The following HNRNPR variants were observed in gnomAD, a reference collection of about 807,000 sequenced individuals.
HNRNPR encodes the protein heterogeneous nuclear ribonucleoprotein R.
HNRNPR carries 4 observed loss-of-function variants against 70.3 expected under a neutral mutation model. The observed-to-expected ratio is 0.06, with a 90% CI of 0.03 to 0.13. The LOEUF (loss-of-function observed/expected upper bound fraction) is 0.13. Ranked by LOEUF, HNRNPR falls within the 10% of genes least tolerant of loss-of-function variation. HNRNPR has a pLI of 1.00. For synonymous variants in HNRNPR, 241 were observed against 267.6 expected (o/e 0.90, Z 0.97); for missense variants, 423 against 788.5 (o/e 0.54, Z 5.55).
intron 5 of HNRNPR, among the ~76,000 whole-genome samples, chr1:23,328,754 C>A (rs1646098318): frequency 6.6e-6 from 1 of 152,206 alleles, no homozygotes; most frequent in Admixed American, 6.5e-5. Flanking sequence ...CCAGCCTCAG[C>A]CTTCCAAAGT....
intron 8 of HNRNPR, among the ~76,000 whole-genome samples, chr1:23,317,705 C>CG (rs1430912145): frequency 1.3e-5 from 2 of 152,100 alleles, no homozygotes; most frequent in East Asian, 1.9e-4. Flanking sequence ...AAACAAGAGG[C>CG]GGGGCACGGT....
At chr1:23,331,834 T>TAAAAAAAAA (rs59006948) in intron 5 of HNRNPR, among the ~76,000 whole-genome samples, 1,647 of 59,164 alleles carry the variant, frequency 0.028, 179 homozygotes, top group Non-Finnish European at 0.035. Flanking sequence ...ACTGTTTCTT[T>TAAAAAAAAA]AAAAAAAAAA....
intron 5 of HNRNPR, among the ~76,000 whole-genome samples, chr1:23,324,935 C>T (rs960892691): frequency 2.0e-5 from 3 of 151,312 alleles, no homozygotes; most frequent in Non-Finnish European, 4.4e-5. Flanking sequence ...AGTCAGGAGA[C>T]CGAGACCATC....
At chr1:23,336,344 T>A (rs1316221783) in intron 4 of HNRNPR, among the ~76,000 whole-genome samples, 1 of 150,434 alleles carries the variant, frequency 6.6e-6, no homozygotes, top group African/African-American at 2.4e-5. Context: ...GGCGGGCGGA[T>A]CATGAGGTCA....
intron 4 of HNRNPR, 113 bp downstream of exon 4, chr1:23,337,641 C>G: frequency 1.5e-6 from 1 of 672,704 alleles, no homozygotes; most frequent in East Asian, 2.7e-5. Context: ...GGCGACAGAG[C>G]AAGACTCCGT....
At chr1:23,335,052 G>A (rs1290689191) in intron 4 of HNRNPR, among the ~76,000 whole-genome samples, 2 of 152,070 alleles carry the variant, frequency 1.3e-5, no homozygotes, top group African/African-American at 4.8e-5. Flanking sequence ...CAAGTAGCTG[G>A]GACTACAGGC....
At chr1:23,323,288 C>T (rs1557866179) in intron 6 of HNRNPR, among the ~76,000 whole-genome samples, 1 of 152,182 alleles carries the variant, frequency 6.6e-6, no homozygotes, top group Non-Finnish European at 1.5e-5. Context: ...AAGCCAAATA[C>T]TCATATGAAA....
chr1:23,339,849 C>T (rs889430510), intron 2 of HNRNPR, among the ~76,000 whole-genome samples: 1 of 152,146 alleles, frequency 6.6e-6, no homozygotes, highest in African/African-American at 2.4e-5. Context: ...AGCCTCTTAT[C>T]AATAACAAAA....
At chr1:23,328,840 T>C (rs920460434) in intron 5 of HNRNPR, among the ~76,000 whole-genome samples, 1 of 152,134 alleles carries the variant, frequency 6.6e-6, no homozygotes, top group Non-Finnish European at 1.5e-5. Flanking sequence ...TAGTGTGGGT[T>C]GGGCATGGTG....
chr1:23,320,659 C>A (rs80107652), intron 7 of HNRNPR, among the ~76,000 whole-genome samples: 4 of 152,036 alleles, frequency 2.6e-5, no homozygotes, highest in African/African-American at 7.2e-5. Context: ...GGGGAGGCAG[C>A]GGTCTAACGC....
intron 5 of HNRNPR, among the ~76,000 whole-genome samples, chr1:23,330,041 C>A (rs1241363093): frequency 6.6e-6 from 1 of 152,154 alleles, no homozygotes; most frequent in Non-Finnish European, 1.5e-5. Flanking sequence ...TCAGGTGCCA[C>A]AAAGTCATAT....
At chr1:23,322,384 C>T (rs1022892772) in intron 6 of HNRNPR, among the ~76,000 whole-genome samples, 83 of 151,628 alleles carry the variant, frequency 5.5e-4, no homozygotes, top group African/African-American at 1.7e-3. Flanking sequence ...TACAGGCGTG[C>T]GCCACCACGC....
At chr1:23,325,574 T>A (rs1182643007) in intron 5 of HNRNPR, among the ~76,000 whole-genome samples, 5 of 152,218 alleles carry the variant, frequency 3.3e-5, no homozygotes, top group Non-Finnish European at 5.9e-5. Context: ...ATTGGTTTCT[T>A]CATATTCTTA....
At chr1:23,332,720 CCAAACCAAAAAA>C (rs1557907940) in intron 5 of HNRNPR, among the ~76,000 whole-genome samples, 1 of 144,038 alleles carries the variant, frequency 6.9e-6, no homozygotes, top group African/African-American at 2.6e-5. Flanking sequence ...AAAAACAAAA[CCAAACCAAAAAA>C]AAAACAAAAC....
At chr1:23,311,161 T>C in intron 10 of HNRNPR, 40 bp downstream of exon 10, 1 of 1,612,312 alleles carries the variant, frequency 6.2e-7, no homozygotes, top group Non-Finnish European at 8.5e-7. Flanking sequence ...TATCACGTTA[T>C]TCCTTGTCCA....
At chr1:23,333,434 TC>T in intron 5 of HNRNPR, 83 bp downstream of exon 5, 1 of 739,734 alleles carries the variant, frequency 1.4e-6, no homozygotes, top group Non-Finnish European at 2.3e-6. Flanking sequence ...TCAAGAATTT[TC>T]CCCCGTCTGT....
intron 8 of HNRNPR, among the ~76,000 whole-genome samples, chr1:23,315,713 ACCTAT>A (rs1329609732): frequency 6.6e-6 from 1 of 152,210 alleles, no homozygotes; most frequent in East Asian, 1.9e-4. Flanking sequence ...AAAACATAGT[ACCTAT>A]CCAAATAAAA....
chr1:23,332,465 A>G (rs9662596), intron 5 of HNRNPR, among the ~76,000 whole-genome samples: 131,386 of 149,994 alleles, frequency 0.88, 57,834 homozygotes, highest in Non-Finnish European at 0.92. Flanking sequence ...CACTTTGGGA[A>G]GTCAAGGCAG....
intron 5 of HNRNPR, among the ~76,000 whole-genome samples, chr1:23,329,334 CCTTTTA>C (rs1174278068): frequency 6.6e-6 from 1 of 152,116 alleles, no homozygotes; most frequent in Non-Finnish European, 1.5e-5. Context: ...CAGCACTGTT[CCTTTTA>C]AAGTTTTTAA....
Sources: gnomAD v4.1 joint callset for allele counts (sites outside exome capture counted in the v4.1 genomes callset) on GRCh38, gnomAD v4.1.1 for gene constraint, MANE v1.5 for transcripts, NCBI Gene and HGNC (gene_info 2026-07-23, HGNC 2026-07-21) for gene names.